Variants in ADCY2 observed in about 807,000 individuals in gnomAD.
ADCY2 encodes the protein adenylate cyclase type 2.
In ADCY2, 31 loss-of-function variants were observed where a neutral mutation model predicts 125.2. The observed-to-expected ratio is 0.25, with a 90% CI of 0.19 to 0.33. ADCY2 has a LOEUF of 0.33. Ranked by LOEUF, ADCY2 falls within the 10% of genes least tolerant of loss-of-function variation. The pLI is 1.00. For missense variants in ADCY2, 904 were observed against 1,418.2 expected (o/e 0.64, Z 5.82); for synonymous variants, 512 against 548.4 (o/e 0.93, Z 0.93).
At chr5:7,638,215 A>G (rs1413454931) in intron 4 of ADCY2, among the ~76,000 whole-genome samples, 1 of 152,184 alleles carries the variant, frequency 6.6e-6, no homozygotes, top group Non-Finnish European at 1.5e-5. Flanking sequence ...CCTATTTTCT[A>G]TACCTTTCTG....
intron 2 of ADCY2, among the ~76,000 whole-genome samples, chr5:7,468,084 AG>A (rs1452968983): frequency 6.6e-6 from 1 of 152,208 alleles, no homozygotes; most frequent in Non-Finnish European, 1.5e-5. Context: ...AGACTGTTAT[AG>A]TTGTCCTTCA....
chr5:7,623,916 G>T (rs1048591418), intron 3 of ADCY2, among the ~76,000 whole-genome samples: 2 of 152,152 alleles, frequency 1.3e-5, no homozygotes, highest in African/African-American at 4.8e-5. Context: ...TCCCAGCAAA[G>T]ATTTTAATTA....
At chr5:7,768,674 A>C (rs1010487743) in intron 17 of ADCY2, among the ~76,000 whole-genome samples, 1 of 152,250 alleles carries the variant, frequency 6.6e-6, no homozygotes, top group African/African-American at 2.4e-5. Context: ...TCTTATTTGC[A>C]ATCAAAGAAA....
intron 3 of ADCY2, among the ~76,000 whole-genome samples, chr5:7,615,847 A>C (rs1737738475): frequency 1.3e-5 from 2 of 152,212 alleles, no homozygotes; most frequent in South Asian, 4.1e-4. Flanking sequence ...ATTAAGATGC[A>C]ATGGGATATG....
intron 4 of ADCY2, among the ~76,000 whole-genome samples, chr5:7,668,859 T>C (rs1010630654): frequency 3.9e-5 from 6 of 152,208 alleles, no homozygotes; most frequent in Non-Finnish European, 8.8e-5. Context: ...GCTCAACAAC[T>C]TGTTCAGTCT....
rs146872598 is a variant in ADCY2, at chr5:7,569,516, G to A, written c.570+48617G>A. Among the ~76,000 whole-genome samples, 342 of 152,238 alleles carry A rather than the reference G, an allele frequency of 2.2e-3. 5 individuals carry two copies. The highest frequency in any genetic ancestry group is 0.019 in the South Asian group (91 of 4,824). On this transcript the variant is annotated intron_variant, in intron 3 of 24. Transcript: ENST00000338316. ...GGAACATGCCTATTCACCTGTCATC[G>A]ACACACTCCACAGCTGCTGCCCTAG... is the stretch of plus-strand genomic sequence containing the variant.
chr5:7,483,564 T>C lies in ADCY2; in HGVS notation c.409-37174T>C, dbSNP rs537404635. 1.5e-3 allele frequency among the ~76,000 whole-genome samples: 232 copies of C among 152,346 alleles called. 2 individuals carry two copies. Among genetic ancestry groups the C allele is most frequent in the African/African-American group, 5.4e-3 (224 of 41,580 alleles). On this transcript the variant is annotated intron_variant, in intron 2 of 24. Transcript: ENST00000338316. ...TAAAGTAATATATTTTGAAAGCTTC[T>C]TCACATTAAGACTTTTTTGTACTGT...
intron 24 of ADCY2, among the ~76,000 whole-genome samples, chr5:7,824,505 C>T (rs1366569551): frequency 6.6e-6 from 1 of 152,236 alleles, no homozygotes; most frequent in African/African-American, 2.4e-5. Context: ...CGTCCAATGA[C>T]TGCAGAATTT....
chr5:7,789,824 T>A, intron 20 of ADCY2, 24 bp downstream of exon 20: 2 of 176,506 alleles, frequency 1.1e-5, no homozygotes, highest in Non-Finnish European at 2.1e-5. Context: ...GGCTGGGGGC[T>A]GGGGGAGGGG....
At chr5:7,409,914 T>A (rs1453346930) in intron 1 of ADCY2, among the ~76,000 whole-genome samples, 2 of 152,218 alleles carry the variant, frequency 1.3e-5, no homozygotes, top group Non-Finnish European at 2.9e-5. Flanking sequence ...TCACACCTCA[T>A]GGTAAAATGG....
At chr5:7,707,591 C>T in intron 8 of ADCY2, 115 bp from the exon 9 acceptor site, 1 of 1,234,134 alleles carries the variant, frequency 8.1e-7, no homozygotes, top group Admixed American at 2.2e-5. Context: ...TAATTGCGGT[C>T]AGTGCTCCTA....
chr5:7,721,858 T>C (rs969275510), intron 12 of ADCY2, among the ~76,000 whole-genome samples: 1 of 152,208 alleles, frequency 6.6e-6, no homozygotes, highest in Non-Finnish European at 1.5e-5. Flanking sequence ...TTAAAAGATA[T>C]ATTCTATACG....
At chr5:7,722,335 T>C (rs985928698) in intron 12 of ADCY2, among the ~76,000 whole-genome samples, 1 of 152,180 alleles carries the variant, frequency 6.6e-6, no homozygotes, top group Non-Finnish European at 1.5e-5. Context: ...TTTCACTTCC[T>C]TGATTTCACT....
chr5:7,667,635 A>G (rs1281346236), intron 4 of ADCY2, among the ~76,000 whole-genome samples: 2 of 152,250 alleles, frequency 1.3e-5, no homozygotes, highest in African/African-American at 4.8e-5. Flanking sequence ...ACAATGAGGT[A>G]ACCATTGTAT....
At chr5:7,675,790 T>C (rs1740106471) in intron 4 of ADCY2, among the ~76,000 whole-genome samples, 1 of 152,148 alleles carries the variant, frequency 6.6e-6, no homozygotes, top group Non-Finnish European at 1.5e-5. Flanking sequence ...TAGGACTGGA[T>C]CCAATTATGA....
At chr5:7,664,674 C>T (rs1739653776) in intron 4 of ADCY2, among the ~76,000 whole-genome samples, 1 of 152,206 alleles carries the variant, frequency 6.6e-6, no homozygotes. Context: ...TGAAATTGCC[C>T]TGCAAAGTCT....
At chr5:7,658,314 C>G (rs1739408889) in intron 4 of ADCY2, 1 of 151,862 alleles carries the variant, frequency 6.6e-6, no homozygotes. Flanking sequence ...AAGATTTGTC[C>G]ACTCTTGGGT....
At chr5:7,616,759 C>A (rs1737776376) in intron 3 of ADCY2, among the ~76,000 whole-genome samples, 1 of 152,130 alleles carries the variant, frequency 6.6e-6, no homozygotes, top group Admixed American at 6.5e-5. Flanking sequence ...TGTGTTCCCT[C>A]AAAATTCCTA....
chr5:7,432,999 G>T (rs1166650685), intron 2 of ADCY2, among the ~76,000 whole-genome samples: 1 of 152,174 alleles, frequency 6.6e-6, no homozygotes, highest in Non-Finnish European at 1.5e-5. Context: ...AGCATACAAA[G>T]AATGTTCACA....
Sources: gnomAD v4.1 joint callset for allele counts (sites outside exome capture counted in the v4.1 genomes callset) on GRCh38, gnomAD v4.1.1 for gene constraint, MANE v1.5 for transcripts, NCBI Gene and HGNC (gene_info 2026-07-23, HGNC 2026-07-21) for gene names.